RHCG: variants seen among roughly 807,000 people sequenced by gnomAD.
The protein encoded by RHCG is ammonium transporter Rh type C.
RHCG carries 39 observed loss-of-function variants against 55.3 expected under a neutral mutation model. The observed-to-expected ratio is 0.70, with a 90% CI of 0.55 to 0.92. The LOEUF is 0.92. Among genes scored for constraint, RHCG ranks in the 40% least tolerant of loss-of-function variants. The pLI is 0.00. For missense variants in RHCG, 635 were observed against 627.9 expected (o/e 1.01, Z -0.12); for synonymous variants, 250 against 246.8 (o/e 1.01, Z -0.12).
Position 89,479,417 on chromosome 15 carries a change from G to C in RHCG, c.742C>G (p.Arg248Gly). 1 of 1,614,136 alleles carries C rather than the reference G, an allele frequency of 6.2e-7. No homozygotes were observed. Among genetic ancestry groups the C allele is most frequent in the Non-Finnish European group, 8.5e-7 (1 of 1,180,018 alleles). The change falls in exon 5 of 11, where the codon CGA becomes GGA. Residue 248 changes from arginine (R) to glycine (G), a missense_variant. Physicochemically the swap from Arg to Gly is moderately radical, Grantham distance 125. Coordinates refer to ENST00000268122, the MANE Select transcript of RHCG (RefSeq NM_016321.3). ...GAGCAGTAGGTGTTGATGGCGGCTC[G>C]GTGCTGGCTGTCCCCATGGTAGGAT... is the stretch of plus-strand genomic sequence containing the variant. ...AISYHGDSQHRAAINTYCSLA... is the reference protein window; with the variant it reads ...AISYHGDSQHGAAINTYCSLA...
At chr15:89,474,868 GCCTGCCTTCCTT>G (rs1961108154) in intron 9 of RHCG, among the ~76,000 whole-genome samples, 1 of 72,902 alleles carries the variant, frequency 1.4e-5, no homozygotes, top group Non-Finnish European at 2.5e-5. Context: ...CTTCCTTCCT[GCCTGCCTTCCTT>G]CCTGCCTGCC....
intron 9 of RHCG, 112 bp downstream of exon 9, chr15:89,476,643 C>A: frequency 1.2e-6 from 1 of 852,356 alleles, no homozygotes; most frequent in Non-Finnish European, 2.0e-6. Context: ...AATGTAGGCT[C>A]TGACCCCCAC....
At chr15:89,494,041 C>T (rs1383832131) in intron 1 of RHCG, among the ~76,000 whole-genome samples, 2 of 151,930 alleles carry the variant, frequency 1.3e-5, no homozygotes, top group African/African-American at 4.8e-5. Context: ...AGGGGAAACT[C>T]AAGGCCCTCC....
chr15:89,496,454 G>A lies in RHCG; in HGVS notation c.91C>T (p.Arg31Cys), dbSNP rs1440248929. Residue 31 changes from arginine (R) to cysteine (C), a missense_variant, in exon 1 of 11, where the codon CGC becomes TGC. Physicochemically the swap from Arg to Cys is radical, Grantham distance 180. Coordinates refer to ENST00000268122, the MANE Select transcript of RHCG (RefSeq NM_016321.3). Reference sequence around the variant, plus strand: ...TGGGCGTCGGCCTCGAAGTCGTAGCGCACGAACACCCCGAAGAGAATCACC... The same window carrying A: ...TGGGCGTCGGCCTCGAAGTCGTAGCACACGAACACCCCGAAGAGAATCACC... ...IMVILFGVFVRYDFEADAHWW... is the reference protein window; with the variant it reads ...IMVILFGVFVCYDFEADAHWW... 2 of 1,613,894 alleles carry A rather than the reference G, an allele frequency of 1.2e-6. No individual in the cohort carries two copies. The highest frequency in any genetic ancestry group is 1.7e-5 in the Admixed American group (1 of 60,014).
At chr15:89,485,367 TG>T (rs1380915292) in intron 2 of RHCG, among the ~76,000 whole-genome samples, 1 of 152,254 alleles carries the variant, frequency 6.6e-6, no homozygotes, top group Non-Finnish European at 1.5e-5. Context: ...CAAAAAGACT[TG>T]TTTACTGGTT....
rs1229707705 is a variant in RHCG, at chr15:89,477,702, T to C, written c.976-49A>G. On this transcript the variant is annotated intron_variant, in intron 6 of 10. Coordinates refer to ENST00000268122, the MANE Select transcript of RHCG (RefSeq NM_016321.3). The surrounding 1 kb of genome is among the most constrained non-coding windows in gnomAD (Gnocchi z 4.5). Reference sequence around the variant, plus strand: ...CTCAGGCCGGGGGCTGCATCAAGGGTGTGGGGAGGCCGGGATTCCAGAGAC... The same window carrying C: ...CTCAGGCCGGGGGCTGCATCAAGGGCGTGGGGAGGCCGGGATTCCAGAGAC... 1 of 1,608,126 alleles carries C rather than the reference T, an allele frequency of 6.2e-7. No homozygotes were observed. The highest frequency in any genetic ancestry group is 1.1e-5 in the South Asian group (1 of 90,940).
rs113912208 is a variant in RHCG, at chr15:89,475,989, TTCTC to T, written c.1311+762_1311+765del. Among the ~76,000 whole-genome samples, 17 of 149,952 alleles carry T rather than the reference TTCTC, an allele frequency of 1.1e-4. 1 individual carries two copies. Among genetic ancestry groups the T allele is most frequent in the Admixed American group, 7.9e-4 (12 of 15,114 alleles). ...GTCTGAGGAACTTAAGACTTTGCAT[TTCTC>T]TCTCTCTCTCTTGCTCTCGCTCTCT... On this transcript the variant is annotated intron_variant, in intron 9 of 10. Coordinates refer to ENST00000268122, the MANE Select transcript of RHCG (RefSeq NM_016321.3).
At position 89,477,433 on chromosome 15, in the gene RHCG, G is replaced by C; in HGVS notation, c.1112+84C>G. ...GGGGAAGGAAAGGGAGAAAGATGCA[G>C]TCGGGTCCCAGAGGAATAGCAGGAA... On this transcript the variant is annotated intron_variant, in intron 7 of 10. Transcript: ENST00000268122. The surrounding 1 kb of genome is among the most constrained non-coding windows in gnomAD (Gnocchi z 4.5). 1 of 1,554,510 alleles carries C rather than the reference G, an allele frequency of 6.4e-7. No homozygotes were observed. The highest frequency in any genetic ancestry group is 2.3e-5 in the East Asian group (1 of 43,712).
chr15:89,491,634 G>A (rs1354315093), intron 1 of RHCG, among the ~76,000 whole-genome samples: 1 of 152,160 alleles, frequency 6.6e-6, no homozygotes, highest in African/African-American at 2.4e-5. Flanking sequence ...GGGCAAGGTA[G>A]TGCACGCCTT....
Position 89,487,912 on chromosome 15 carries a change from T to C in RHCG, c.185-927A>G, listed in dbSNP as rs1349594892. Among the ~76,000 whole-genome samples, 3 of 152,226 alleles carry C rather than the reference T, an allele frequency of 2.0e-5. No homozygotes were observed. In the East Asian group the frequency reaches 5.8e-4, roughly 29 times the overall value. On this transcript the variant is annotated intron_variant, in intron 1 of 10. Transcript: ENST00000268122. The stretch of plus-strand genomic sequence containing the variant: ...ATGTGGCCTTGGCAAGCCACTTCCC[T>C]TCTCAGAGCCTCAGTTTTCTCAACG...
chr15:89,492,106 C>T (rs185126393), intron 1 of RHCG, among the ~76,000 whole-genome samples: 11 of 152,298 alleles, frequency 7.2e-5, no homozygotes, highest in Admixed American at 5.9e-4. Flanking sequence ...AGTCTCCCTC[C>T]CCAGCTTTGG....
intron 3 of RHCG, 38 bp downstream of exon 3, chr15:89,483,029 A>G (rs748359284): frequency 6.6e-7 from 1 of 1,518,624 alleles, no homozygotes; most frequent in South Asian, 1.3e-5. Flanking sequence ...CCCCCAAAGC[A>G]CCCCCACCAC....
chr15:89,476,924 T>A, intron 8 of RHCG, 96 bp from the exon 9 acceptor site: 1 of 1,537,262 alleles, frequency 6.5e-7, no homozygotes, highest in Non-Finnish European at 9.0e-7. Context: ...CTGGGGCCCT[T>A]GGGCTGAGTT....
At chr15:89,483,555 G>A (rs117662733) in intron 2 of RHCG, among the ~76,000 whole-genome samples, 4,740 of 152,220 alleles carry the variant, frequency 0.031, 111 homozygotes, top group Non-Finnish European at 0.049. Context: ...TCCCTGCCCT[G>A]TAGCTTCTAC....
chr15:89,473,709 T>G (rs1421371527), intron 9 of RHCG, among the ~76,000 whole-genome samples: 3 of 152,202 alleles, frequency 2.0e-5, no homozygotes, highest in Non-Finnish European at 4.4e-5. Flanking sequence ...TTAAAATATG[T>G]GGGAGGATAC....
Position 89,486,599 on chromosome 15 carries a change from A to AGAGTGTGAGTGTGTGT in RHCG, c.371+199_371+200insACACACACTCACACTC. On this transcript the variant is annotated intron_variant, in intron 2 of 10. Transcript: ENST00000268122. ...GAGAGAGAGAGAGAGAGAGAGAGAGAGTGTGTGTGTGTGTGTGTGTGTGTG... is the reference window on the plus strand; with the variant it reads ...GAGAGAGAGAGAGAGAGAGAGAGAGAGAGTGTGAGTGTGTGTGTGTGTGTGTGTGTGTGTGTGTGTG... 245 of 264,420 alleles carry AGAGTGTGAGTGTGTGT rather than the reference A, an allele frequency of 9.3e-4. 2 individuals are homozygous for AGAGTGTGAGTGTGTGT. Among genetic ancestry groups the AGAGTGTGAGTGTGTGT allele is most frequent in the Middle Eastern group, 3.6e-3 (3 of 830 alleles). The allele number at this position is 264,420 out of a possible 1,614,324, so 16.4% of individuals were successfully genotyped here. A position where few individuals can be genotyped will look rare whatever the true frequency, so the allele number is the denominator to read the frequency against.
At chr15:89,481,962 C>A (rs778336950) in intron 3 of RHCG, among the ~76,000 whole-genome samples, 14 of 152,076 alleles carry the variant, frequency 9.2e-5, no homozygotes, top group Non-Finnish European at 1.9e-4. Flanking sequence ...CCACTACACC[C>A]AGCTAATTTT....
chr15:89,486,746 C>G, intron 2 of RHCG, 53 bp downstream of exon 2: 1 of 1,548,240 alleles, frequency 6.5e-7, no homozygotes, highest in African/African-American at 1.4e-5. Context: ...GCTCACCTGC[C>G]CAGCCCCATC....
intron 9 of RHCG, 119 bp from the exon 10 acceptor site, chr15:89,472,982 C>T (rs1397465720): frequency 1.4e-5 from 16 of 1,162,238 alleles, no homozygotes; most frequent in African/African-American, 4.8e-5. Flanking sequence ...GATCGCCGTG[C>T]GGATCACATG....
Sources: allele counts gnomAD v4.1 joint callset (sites outside exome capture counted in the v4.1 genomes callset), GRCh38; gene constraint gnomAD v4.1.1; non-coding constraint Gnocchi (gnomAD v3.1); transcripts MANE v1.5; gene names NCBI Gene and HGNC (gene_info 2026-07-23, HGNC 2026-07-21).